The following NCOA7 variants were observed in gnomAD, a reference collection of about 807,000 sequenced individuals.
The protein encoded by NCOA7 is 140 kDa estrogen receptor-associated protein.
A neutral mutation model predicts 104.3 loss-of-function variants in NCOA7; 45 were observed. The ratio of observed to expected loss-of-function variants is 0.43; its 90% CI spans 0.34 to 0.55. The LOEUF is 0.55. NCOA7 is among the 20% of genes least tolerant of loss of function. The pLI is 0.02. For missense variants in NCOA7, 1,041 were observed against 1,119.7 expected (o/e 0.93, Z 1.00); for synonymous variants, 398 against 402.3 (o/e 0.99, Z 0.13).
chr6:125,827,188 C>CAAAAA (rs66522338), intron 2 of NCOA7, among the ~76,000 whole-genome samples: 7 of 79,042 alleles, frequency 8.9e-5, no homozygotes, highest in Non-Finnish European at 6.6e-5. Flanking sequence ...AACTCCATCT[C>CAAAAA]AAAAAAAAAA....
In NCOA7 at chr6:125,897,588, T is replaced by C. The variant is rs534216928; in HGVS notation, c.2096+6778T>C. Among the ~76,000 whole-genome samples the C allele has an allele frequency of 4.6e-5, 7 of 152,376 alleles. No individual in the cohort carries two copies. The East Asian group carries it at 1.3e-3, about 29-fold the overall frequency. ...TTTTGATTTTATGAGATTACTTTCA[T>C]ATCAATATATATTTAAAGACATGTT... is the stretch of plus-strand genomic sequence containing the variant. On this transcript the variant is annotated intron_variant, in intron 10 of 15. Coordinates refer to ENST00000392477, the MANE Select transcript of NCOA7 (RefSeq NM_181782.5).
intron 11 of NCOA7, among the ~76,000 whole-genome samples, chr6:125,918,801 G>T (rs1390960067): frequency 1.3e-5 from 2 of 152,052 alleles, no homozygotes; most frequent in Admixed American, 6.6e-5. Context: ...ACATAGTATT[G>T]AAGTGAAATG....
chr6:125,885,568 C>T (rs748143120), intron 8 of NCOA7, among the ~76,000 whole-genome samples: 2 of 151,864 alleles, frequency 1.3e-5, no homozygotes, highest in Non-Finnish European at 2.9e-5. Flanking sequence ...ACAAAGAAGC[C>T]GTCATGTAAA....
chr6:125,893,811 C>A (rs1294613177), intron 10 of NCOA7, among the ~76,000 whole-genome samples: 1 of 152,160 alleles, frequency 6.6e-6, no homozygotes, highest in Admixed American at 6.5e-5. Flanking sequence ...CTAAGACCTC[C>A]ATGAATCCAG....
chr6:125,908,593 G>T (rs1583519240), intron 10 of NCOA7, among the ~76,000 whole-genome samples: 1 of 152,088 alleles, frequency 6.6e-6, no homozygotes, highest in Non-Finnish European at 1.5e-5. Context: ...TCCTCCTCAG[G>T]AAATCCTACA....
intron 7 of NCOA7, among the ~76,000 whole-genome samples, chr6:125,884,862 T>G (rs1241556775): frequency 6.6e-6 from 1 of 152,218 alleles, no homozygotes; most frequent in Non-Finnish European, 1.5e-5. Flanking sequence ...CTAGGAAATC[T>G]GAGACGTGCA....
upstream of NCOA7, chr6:125,786,259 G>GT (rs1196314976): frequency 5.9e-5 from 9 of 152,260 alleles, no homozygotes; most frequent in East Asian, 1.7e-3. Flanking sequence ...AGAGAAAGAA[G>GT]GATAGGTTCA....
intron 3 of NCOA7, among the ~76,000 whole-genome samples, chr6:125,856,111 A>G (rs1189259440): frequency 3.3e-5 from 5 of 152,210 alleles, no homozygotes; most frequent in Non-Finnish European, 7.3e-5. Context: ...CAAATAAATG[A>G]AATAAATAAG....
intron 11 of NCOA7, chr6:125,919,455 G>T: frequency 6.2e-6 from 10 of 1,608,844 alleles, no homozygotes; most frequent in Non-Finnish European, 8.5e-6. Context: ...CGTCCCGAGG[G>T]CTAATAAGGT....
chr6:125,809,893 G>A lies in NCOA7; in HGVS notation c.-64-5398G>A, dbSNP rs1167185825. ...AATATTCAAGGAACTGCAGTGTGTT[G>A]GAGGTGAATCCAAAAAGCCATGCTT... On this transcript the variant is annotated intron_variant, in intron 1 of 15. Transcript: ENST00000392477. Among the ~76,000 whole-genome samples the A allele has an allele frequency of 3.3e-5, 5 of 152,174 alleles. No homozygotes were observed. The East Asian group carries it at 9.6e-4, about 29-fold the overall frequency.
intron 2 of NCOA7, among the ~76,000 whole-genome samples, chr6:125,850,694 A>G (rs1781040287): frequency 6.6e-6 from 1 of 152,192 alleles, no homozygotes; most frequent in Admixed American, 6.5e-5. Context: ...CATAGAACTA[A>G]TATTAGTATT....
At chr6:125,922,261 A>AG (rs1346615531) in intron 12 of NCOA7, among the ~76,000 whole-genome samples, 1 of 152,164 alleles carries the variant, frequency 6.6e-6, no homozygotes, top group African/African-American at 2.4e-5. Flanking sequence ...TTTTGCCCTC[A>AG]CTTCTGTGCA....
intron 2 of NCOA7, among the ~76,000 whole-genome samples, chr6:125,829,157 AT>A (rs1778917886): frequency 6.6e-6 from 1 of 151,986 alleles, no homozygotes; most frequent in African/African-American, 2.4e-5. Context: ...AAGTTTAGAC[AT>A]TTTTCCATAA....
At chr6:125,825,174 C>CAA (rs60707053) in intron 2 of NCOA7, among the ~76,000 whole-genome samples, 2,686 of 53,988 alleles carry the variant, frequency 0.05, 186 homozygotes, top group African/African-American at 0.16. Flanking sequence ...CCTGTCTCTA[C>CAA]AAAAAAAAAA....
chr6:125,890,726 T>C lies in NCOA7; in HGVS notation c.2012T>C (p.Phe671Ser). 1 of 1,613,862 alleles carries C rather than the reference T, an allele frequency of 6.2e-7. No homozygotes were observed. ...IKVGKPMRKS[F>S]ATHTAAMVQQ... ...GTGGGAAAACCAATGAGAAAATCCT[T>C]TGCCACTCACACTGCAGCCATGGTC... Residue 671 changes from phenylalanine (F) to serine (S), a missense_variant, in exon 10 of 16, where the codon TTT becomes TCT. Physicochemically the swap from Phe to Ser is radical, Grantham distance 155 (BLOSUM62 -2). Transcript: ENST00000392477.
intron 1 of NCOA7, 48 bp from the exon 2 acceptor site, chr6:125,815,243 C>T: frequency 3.1e-6 from 2 of 653,846 alleles, no homozygotes; most frequent in South Asian, 2.5e-5. Flanking sequence ...TCACATTGGC[C>T]AGTGTAAACT....
chr6:125,885,481 T>A, intron 8 of NCOA7, 138 bp downstream of exon 8: 1 of 655,820 alleles, frequency 1.5e-6, no homozygotes, highest in Non-Finnish European at 2.5e-6. Context: ...CTGAAGAAAA[T>A]GAGAAAAATG....
Position 125,930,934 on chromosome 6 carries a change from C to T in NCOA7, c.*2163C>T, listed in dbSNP as rs541571541. ...AAATGGTCATTTTGCATATACTTCA[C>T]TCTGACCTAGTTTAGTCCATGATAC... On this transcript the variant is annotated 3_prime_UTR_variant, in exon 16 of 16. Coordinates refer to ENST00000392477, the MANE Select transcript of NCOA7 (RefSeq NM_181782.5). 1 of 152,766 alleles carries T rather than the reference C, an allele frequency of 6.5e-6. No individual in the cohort carries two copies. Among genetic ancestry groups the T allele is most frequent in the East Asian group, 1.9e-4 (1 of 5,188 alleles). 9.5% of individuals were successfully genotyped at this position (152,766 alleles called of 1,614,324 possible).
In NCOA7 at chr6:125,821,006, G is replaced by T. The variant is rs148285756; in HGVS notation, c.50+5602G>T. ...CAGGGTACTTTTAGATATATTAATT[G>T]GTAATCAGAGCCTCACCACTTGAGT... is the stretch of plus-strand genomic sequence containing the variant. On this transcript the variant is annotated intron_variant, in intron 2 of 15. Transcript: ENST00000392477. Among the ~76,000 whole-genome samples the T allele has an allele frequency of 1.1e-3, 169 of 152,162 alleles. 2 individuals are homozygous for T. The highest frequency in any genetic ancestry group is 3.6e-3 in the African/African-American group (148 of 41,486).
Sources: allele counts gnomAD v4.1 joint callset (sites outside exome capture counted in the v4.1 genomes callset), GRCh38; gene constraint gnomAD v4.1.1; transcripts MANE v1.5; gene names NCBI Gene and HGNC (gene_info 2026-07-23, HGNC 2026-07-21).